The following IFT172 variants were observed in gnomAD, a reference collection of about 807,000 sequenced individuals.
The protein encoded by IFT172 is intraflagellar transport protein 172 homolog.
Under a neutral mutation model 248.9 loss-of-function variants are expected in IFT172, and 164 were observed. The observed-to-expected ratio is 0.66, with a 90% CI of 0.58 to 0.75. IFT172 has a LOEUF of 0.75. Ranked by LOEUF, IFT172 falls within the 30% of genes least tolerant of loss-of-function variation. The pLI is 0.00. For synonymous variants in IFT172, 729 were observed against 791.6 expected (o/e 0.92, Z 1.33); for missense variants, 1,950 against 2,192.4 (o/e 0.89, Z 2.21).
intron 35 of IFT172, chr2:27,453,075 C>A (rs868497221): frequency 2.1e-5 from 9 of 424,266 alleles, no homozygotes; most frequent in South Asian, 7.7e-5. Context: ...CTCTAGCCCA[C>A]AGAGATCTCA....
chr2:27,472,782 G>C (rs938435987), intron 14 of IFT172, among the ~76,000 whole-genome samples: 2 of 152,214 alleles, frequency 1.3e-5, no homozygotes, highest in Non-Finnish European at 2.9e-5. Flanking sequence ...GAAGGCAACA[G>C]ACAAACCTCT....
chr2:27,447,940 A>C lies in IFT172; in HGVS notation c.4429-18T>G. ...TTGAAGTTCTAGAGGTAGAGGGAAG[A>C]AGGGGATCTGAGAAGGGCATAGCTA... On this transcript the variant is annotated intron_variant, in intron 40 of 47. Transcript: ENST00000260570. 2 of 1,460,168 alleles carry C rather than the reference A, an allele frequency of 1.4e-6. No individual in the cohort carries two copies. Among genetic ancestry groups the C allele is most frequent in the Non-Finnish European group, 1.9e-6 (2 of 1,039,576 alleles). The allele number at this position is 1,460,168 out of a possible 1,614,324, so 90.5% of individuals were successfully genotyped here.
At position 27,450,060 on chromosome 2, in the gene IFT172, G is replaced by C; in HGVS notation, c.3988C>G (p.Arg1330Gly). ...ELSIKFLPPQ[R>G]NMEVVLAVGP... ...ACAGCCAGAACGACTTCCATATTAC[G>C]TTGGGGAGGCAGAAACTTGATGGAG... The change falls in exon 36 of 48, where the codon CGT becomes GGT. Residue 1330 changes from arginine (R) to glycine (G), a missense_variant. Physicochemically the swap from Arg to Gly is moderately radical, Grantham distance 125. Around this residue, in one of 3 missense-constraint regions of IFT172, gnomAD observed 620 missense variants for 699.0 expected, o/e 0.89. Coordinates refer to ENST00000260570, the MANE Select transcript of IFT172 (RefSeq NM_015662.3). 6.2e-7 allele frequency: 1 copy of C among 1,614,142 alleles called. No homozygotes were observed. Among genetic ancestry groups the C allele is most frequent in the Non-Finnish European group, 8.5e-7 (1 of 1,180,004 alleles).
At chr2:27,489,533 G>T in intron 1 of IFT172, 82 bp downstream of exon 1, 2 of 1,032,886 alleles carry the variant, frequency 1.9e-6, no homozygotes, top group Non-Finnish European at 3.0e-6. Context: ...ACAGTAGGAG[G>T]TCAACATCAT....
intron 16 of IFT172, among the ~76,000 whole-genome samples, chr2:27,466,627 G>GA (rs1286828149): frequency 7.3e-5 from 11 of 151,410 alleles, no homozygotes; most frequent in Non-Finnish European, 1.2e-4. Context: ...CAATAAAAAG[G>GA]AAAAAAATAC....
At chr2:27,462,452 T>C (rs1558383532) in intron 20 of IFT172, among the ~76,000 whole-genome samples, 3 of 152,172 alleles carry the variant, frequency 2.0e-5, no homozygotes, top group Non-Finnish European at 2.9e-5. Flanking sequence ...GGGGAGGTAG[T>C]AGACTGCTTA....
intron 1 of IFT172, among the ~76,000 whole-genome samples, chr2:27,488,743 G>C (rs765016960): frequency 5.3e-5 from 8 of 152,180 alleles, no homozygotes; most frequent in Non-Finnish European, 1.0e-4. Context: ...AAATGAAGAA[G>C]TTGGTGAGTG....
Position 27,454,286 on chromosome 2 carries a change from G to A in IFT172, c.3530+68C>T, listed in dbSNP as rs1284736730. ...TGTTCTAGGTTTGAATGAAGGTCAA[G>A]ATAATCATGAAAGATCCTGGGACGG... On this transcript the variant is annotated intron_variant, in intron 32 of 47. Transcript: ENST00000260570. The surrounding 1 kb of genome is among the most constrained non-coding windows in gnomAD (Gnocchi z 4.2). 1.9e-5 allele frequency: 31 copies of A among 1,608,722 alleles called. No individual in the cohort carries two copies. The highest frequency in any genetic ancestry group is 2.6e-5 in the Non-Finnish European group (30 of 1,175,362).
intron 18 of IFT172, chr2:27,465,138 T>C: frequency 2.5e-6 from 1 of 393,860 alleles, no homozygotes; most frequent in South Asian, 3.7e-5. Flanking sequence ...GCCAGGCTGG[T>C]CTTGAACTCC....
At chr2:27,450,601 A>T (rs917257827) in intron 35 of IFT172, among the ~76,000 whole-genome samples, 2 of 152,078 alleles carry the variant, frequency 1.3e-5, no homozygotes, top group Admixed American at 6.6e-5. Flanking sequence ...ATTTTATTTA[A>T]TTTTTTTAAG....
chr2:27,481,436 C>T (rs1668356438), intron 7 of IFT172, among the ~76,000 whole-genome samples, 176 bp from the exon 8 acceptor site: 1 of 150,806 alleles, frequency 6.6e-6, no homozygotes, highest in Admixed American at 6.6e-5. Flanking sequence ...CACACACACA[C>T]ACACACACAC....
At chr2:27,466,384 G>A (rs1667087306) in intron 16 of IFT172, among the ~76,000 whole-genome samples, 1 of 152,196 alleles carries the variant, frequency 6.6e-6, no homozygotes, top group South Asian at 2.1e-4. Context: ...GAAAGCAAAT[G>A]CAGTGTCAGG....
chr2:27,481,432 C>T (rs868324169), intron 7 of IFT172, among the ~76,000 whole-genome samples, 172 bp from the exon 8 acceptor site: 3 of 149,306 alleles, frequency 2.0e-5, no homozygotes, highest in South Asian at 2.1e-4. Flanking sequence ...TTGTCACACA[C>T]ACACACACAC....
chr2:27,477,164 T>G (rs1668013520), intron 13 of IFT172, 53 bp downstream of exon 13: 1 of 1,493,418 alleles, frequency 6.7e-7, no homozygotes, highest in Non-Finnish European at 9.3e-7. Context: ...AATTTAGGAG[T>G]CCAAAAGGAA....
At position 27,461,336 on chromosome 2, in the gene IFT172, A is replaced by G. The variant is rs1195506811; in HGVS notation, c.2375T>C (p.Leu792Pro). 6.2e-7 allele frequency: 1 copy of G among 1,614,140 alleles called. No individual in the cohort carries two copies. Among genetic ancestry groups the G allele is most frequent in the East Asian group, 2.2e-5 (1 of 44,886 alleles). ...AARLVLTREE[L>P]LANTELVEHI... ...TTCTACCAGCTCTGTGTTGGCTAGC[A>G]GTTCCTCTCGGGTCAGCACCAGCCG... The change falls in exon 22 of 48, where the codon CTG becomes CCG. Residue 792 changes from leucine to proline, a missense_variant. Leu to Pro is a moderately conservative substitution (Grantham distance 98). This residue lies in a region of IFT172 where 1,166 missense variants were observed against 1,254.1 expected (regional missense o/e 0.93). Coordinates refer to ENST00000260570, the MANE Select transcript of IFT172 (RefSeq NM_015662.3).
chr2:27,459,607 CCTACA>C lies in IFT172; in HGVS notation c.2643-90_2643-86del, dbSNP rs1263773293. On this transcript the variant is annotated intron_variant, in intron 24 of 47. Transcript: ENST00000260570. ...AAAGGACCCTTTAAGCACACTTCAA[CCTACA>C]TTTTGAGATCTCTTCTTTAAGGCCT... The C allele has an allele frequency of 4.4e-6, 7 of 1,601,744 alleles. No homozygotes were observed. The Admixed American group carries it at 1.2e-4, about 27-fold the overall frequency.
intron 35 of IFT172, among the ~76,000 whole-genome samples, chr2:27,452,285 T>C (rs1665748817): frequency 6.6e-6 from 1 of 152,202 alleles, no homozygotes; most frequent in African/African-American, 2.4e-5. Flanking sequence ...GCCTTCAGAT[T>C]TGAACTGAAA....
Position 27,485,366 on chromosome 2 carries a change from G to A in IFT172, c.177C>T (p.Asp59=), listed in dbSNP as rs950375924. ...ACATGAATACACTGTTTACCTTCAT[G>A]TCAGCTGGTTTGGTGGAGAATTTAT... ...RRDKFSTKPA[D]MKYGRKSYMV... The change falls in exon 2 of 48, where the codon GAC becomes GAT. Residue 59 remains aspartate, a synonymous_variant. Coordinates refer to ENST00000260570, the MANE Select transcript of IFT172 (RefSeq NM_015662.3). 5.6e-6 allele frequency: 9 copies of A among 1,613,942 alleles called. No homozygotes were observed. The African/African-American group carries it at 9.3e-5, about 17-fold the overall frequency.
intron 1 of IFT172, among the ~76,000 whole-genome samples, chr2:27,487,312 CAATT>C (rs1288439983): frequency 6.6e-6 from 1 of 152,140 alleles, no homozygotes; most frequent in Non-Finnish European, 1.5e-5. Context: ...TTTCCATAAT[CAATT>C]AATTCTCCTT....
Sources: gnomAD v4.1 joint callset for allele counts (sites outside exome capture counted in the v4.1 genomes callset) on GRCh38, gnomAD v4.1.1 for gene constraint, gnomAD v4.1.1 regional missense constraint, Gnocchi (gnomAD v3.1) non-coding constraint, MANE v1.5 for transcripts, NCBI Gene and HGNC (gene_info 2026-07-23, HGNC 2026-07-21) for gene names.